The following GALNT2 variants were observed in gnomAD, a reference collection of about 807,000 sequenced individuals.
The protein encoded by GALNT2 is polypeptide N-acetylgalactosaminyltransferase 2.
In GALNT2, 31 loss-of-function variants were observed where a neutral mutation model predicts 81.4. The observed-to-expected ratio is 0.38, with a 90% CI of 0.29 to 0.51. The LOEUF (loss-of-function observed/expected upper bound fraction) is 0.51, where lower values mean the gene tolerates loss of function less well. GALNT2 is among the 20% of genes least tolerant of loss of function. GALNT2 has a pLI of 0.87. For missense variants in GALNT2, 629 were observed against 765.7 expected (o/e 0.82, Z 2.11); for synonymous variants, 303 against 287.4 (o/e 1.05, Z -0.55).
At chr1:230,267,394 C>T (rs886509616) in intron 14 of GALNT2, among the ~76,000 whole-genome samples, 2 of 152,234 alleles carry the variant, frequency 1.3e-5, no homozygotes, top group Non-Finnish European at 2.9e-5. Context: ...GTGGCTGCGC[C>T]TCCTGTTATT....
intron 1 of GALNT2, among the ~76,000 whole-genome samples, chr1:230,162,954 C>T (rs1477842774): frequency 1.3e-5 from 2 of 152,200 alleles, no homozygotes; most frequent in Non-Finnish European, 2.9e-5. Context: ...GGTCTTCATT[C>T]TGATGGCTCC....
Position 230,067,860 on chromosome 1 carries a change from T to A in GALNT2, c.126+454T>A, listed in dbSNP as rs187369044. Among the ~76,000 whole-genome samples the A allele has an allele frequency of 1.9e-3, 293 of 152,234 alleles. 1 individual carries two copies. Among genetic ancestry groups the A allele is most frequent in the African/African-American group, 6.8e-3 (283 of 41,542 alleles). On this transcript the variant is annotated intron_variant, in intron 1 of 15. Coordinates refer to ENST00000366672, the MANE Select transcript of GALNT2 (RefSeq NM_004481.5). ...GCCCTTTGATACCAGCGGCTGCAAA[T>A]CCTCGTCCCTTTCCCCCTGTCACTC... is the stretch of plus-strand genomic sequence containing the variant.
intron 3 of GALNT2, among the ~76,000 whole-genome samples, chr1:230,211,804 A>C: frequency 6.6e-6 from 1 of 152,170 alleles, no homozygotes; most frequent in East Asian, 1.9e-4. Flanking sequence ...ACTCTGCATC[A>C]CACTCCTGTA....
intron 1 of GALNT2, among the ~76,000 whole-genome samples, chr1:230,147,339 T>C (rs145714995): frequency 3.5e-4 from 54 of 152,358 alleles, no homozygotes; most frequent in Middle Eastern, 3.4e-3. Flanking sequence ...TTATTCAACA[T>C]TCATTGTGTT....
chr1:230,112,305 C>A (rs539716241), intron 1 of GALNT2, among the ~76,000 whole-genome samples: 2 of 147,442 alleles, frequency 1.4e-5, no homozygotes, highest in African/African-American at 2.5e-5. Context: ...TCACTCCAGG[C>A]GCACCCTGAG....
chr1:230,192,442 G>T (rs190085376), intron 2 of GALNT2, among the ~76,000 whole-genome samples: 29 of 152,302 alleles, frequency 1.9e-4, no homozygotes, highest in Admixed American at 3.3e-4. Flanking sequence ...TTTTTCATCT[G>T]TTGGCTGGGA....
intron 1 of GALNT2, among the ~76,000 whole-genome samples, chr1:230,140,951 A>G (rs1035473121): frequency 6.6e-6 from 1 of 152,182 alleles, no homozygotes; most frequent in Non-Finnish European, 1.5e-5. Flanking sequence ...TGAAATAGCT[A>G]TATTCTTATT....
chr1:230,215,234 CCTCCACAG>C (rs1401937823), intron 3 of GALNT2, among the ~76,000 whole-genome samples: 2 of 152,206 alleles, frequency 1.3e-5, no homozygotes, highest in Admixed American at 1.3e-4. Context: ...CCATTTCTGG[CCTCCACAG>C]CTCCACAGCA....
intron 2 of GALNT2, among the ~76,000 whole-genome samples, chr1:230,180,162 G>T (rs12075378): frequency 3.9e-5 from 6 of 151,920 alleles, no homozygotes; most frequent in African/African-American, 1.2e-4. Context: ...CAGGTGATCC[G>T]CCCGCCTCGG....
chr1:230,098,286 T>A (rs1180560386), intron 1 of GALNT2, among the ~76,000 whole-genome samples: 2 of 152,148 alleles, frequency 1.3e-5, no homozygotes, highest in Admixed American at 1.3e-4. Context: ...TTTCTCCTTT[T>A]GGTCAACTCT....
In GALNT2 at chr1:230,181,406, A is replaced by C. The variant is rs149481992; in HGVS notation, c.220+3095A>C. 1.5e-3 allele frequency among the ~76,000 whole-genome samples: 232 copies of C among 152,204 alleles called. 1 individual carries two copies. The highest frequency in any genetic ancestry group is 2.7e-3 in the Admixed American group (42 of 15,286). On this transcript the variant is annotated intron_variant, in intron 2 of 15. Transcript: ENST00000366672. Reference sequence around the variant, plus strand: ...TGATGGATTACGTTAATGGGTTTTCATTTGTTGAGCCACTGTTGCATAACT... The same window carrying C: ...TGATGGATTACGTTAATGGGTTTTCCTTTGTTGAGCCACTGTTGCATAACT...
At position 230,216,501 on chromosome 1, in the gene GALNT2, A is replaced by G. The variant is rs760550022; in HGVS notation, c.374+13211A>G. The stretch of plus-strand genomic sequence containing the variant: ...CCGTTGCCCAAGCTGGAGTACAGAG[A>G]TGTGATCATAGCTCACCGTAACAAA... On this transcript the variant is annotated intron_variant, in intron 3 of 15. Coordinates refer to ENST00000366672, the MANE Select transcript of GALNT2 (RefSeq NM_004481.5). 7.0e-4 allele frequency among the ~76,000 whole-genome samples: 106 copies of G among 152,322 alleles called. 1 individual carries two copies. The highest frequency in any genetic ancestry group is 2.6e-3 in the Admixed American group (40 of 15,304).
Position 230,113,394 on chromosome 1 carries a change from A to G in GALNT2, c.126+45988A>G, listed in dbSNP as rs543069919. On this transcript the variant is annotated intron_variant, in intron 1 of 15. Coordinates refer to ENST00000366672, the MANE Select transcript of GALNT2 (RefSeq NM_004481.5). ...AGCACTTACATGGCGGGCAAACTCCAGTTTATACCTGGAGCTGCAGGGCGG... is the reference window on the plus strand; with the variant it reads ...AGCACTTACATGGCGGGCAAACTCCGGTTTATACCTGGAGCTGCAGGGCGG... Among the ~76,000 whole-genome samples, 192 of 152,188 alleles carry G rather than the reference A, an allele frequency of 1.3e-3. 2 individuals carry two copies. Among genetic ancestry groups the G allele is most frequent in the African/African-American group, 4.4e-3 (183 of 41,510 alleles).
At chr1:230,136,242 C>T (rs1661534336) in intron 1 of GALNT2, among the ~76,000 whole-genome samples, 1 of 152,090 alleles carries the variant, frequency 6.6e-6, no homozygotes, top group African/African-American at 2.4e-5. Context: ...ATCGAACCTG[C>T]ACGCATTGTT....
chr1:230,062,721 T>C (rs566633335), upstream of GALNT2, among the ~76,000 whole-genome samples: 11 of 152,300 alleles, frequency 7.2e-5, no homozygotes, highest in African/African-American at 1.2e-4. Context: ...TAATATTCCA[T>C]TGCATGGATA....
intron 2 of GALNT2, among the ~76,000 whole-genome samples, chr1:230,194,665 T>G (rs1198913220): frequency 2.0e-5 from 3 of 152,180 alleles, no homozygotes; most frequent in Non-Finnish European, 2.9e-5. Context: ...CAGATGCAGC[T>G]GCGAGGTGGC....
At chr1:230,226,212 A>G (rs1483890785) in intron 3 of GALNT2, among the ~76,000 whole-genome samples, 1 of 152,204 alleles carries the variant, frequency 6.6e-6, no homozygotes, top group African/African-American at 2.4e-5. Context: ...ATGGTCAGTG[A>G]AACAACAGAC....
intron 1 of GALNT2, among the ~76,000 whole-genome samples, chr1:230,091,060 T>TTTG (rs1660058246): frequency 7.2e-6 from 1 of 139,672 alleles, no homozygotes; most frequent in South Asian, 2.6e-4. Flanking sequence ...GACCTTTTCT[T>TTTG]TTGTTTGTTT....
intron 3 of GALNT2, among the ~76,000 whole-genome samples, chr1:230,211,038 T>C (rs1664216495): frequency 6.6e-6 from 1 of 152,190 alleles, no homozygotes; most frequent in Non-Finnish European, 1.5e-5. Flanking sequence ...GGGCAGAAGA[T>C]CTAGGGAAAT....
Sources: allele counts gnomAD v4.1 joint callset (sites outside exome capture counted in the v4.1 genomes callset), GRCh38; gene constraint gnomAD v4.1.1; transcripts MANE v1.5; gene names NCBI Gene and HGNC (gene_info 2026-07-23, HGNC 2026-07-21).